TAFA4: variants seen among roughly 807,000 people sequenced by gnomAD.
The protein encoded by TAFA4 is chemokine-like protein TAFA-4.
A neutral mutation model predicts 21.1 loss-of-function variants in TAFA4; 20 were observed. The observed-to-expected ratio is 0.95, with a 90% confidence interval of 0.67 to 1.38. The LOEUF (loss-of-function observed/expected upper bound fraction) is 1.38, where lower values mean the gene tolerates loss of function less well. TAFA4 is among the 40% of genes most tolerant of loss of function. TAFA4 has a pLI of 0.00. For synonymous variants in TAFA4, 71 were observed against 67.4 expected, an observed-to-expected ratio of 1.05 and a Z score of -0.26; for missense variants, 211 against 180.9, an observed-to-expected ratio of 1.17 and a Z score of -0.95.
chr3:68,784,067 G>T (rs954338117), intron 3 of TAFA4, among the ~76,000 whole-genome samples: 3 of 151,966 alleles, frequency 2.0e-5, no homozygotes, highest in Non-Finnish European at 4.4e-5. Context: ...GAATCCAAAG[G>T]GTCACACGTT....
intron 3 of TAFA4, among the ~76,000 whole-genome samples, chr3:68,819,259 G>A (rs1704059057): frequency 7.7e-6 from 1 of 129,724 alleles, no homozygotes. Flanking sequence ...GACAGAGTGA[G>A]ACCCTGTCTT....
At chr3:68,829,542 C>G (rs1704329156) in intron 3 of TAFA4, among the ~76,000 whole-genome samples, 2 of 152,332 alleles carry the variant, frequency 1.3e-5, no homozygotes, top group Non-Finnish European at 2.9e-5. Context: ...ATGAAGCCAA[C>G]TTGATCTGGT....
chr3:68,880,816 A>G lies in TAFA4; in HGVS notation c.44T>C (p.Leu15Pro). 6.2e-7 allele frequency: 1 copy of G among 1,613,690 alleles called. No homozygotes were observed. Among genetic ancestry groups the G allele is most frequent in the Non-Finnish European group, 8.5e-7 (1 of 1,179,938 alleles). The part of the protein sequence containing the change: ...RMRVCAKSVL[L>P]SHWLFLAYVL... ...GTAGGCTAGAAAGAGCCAGTGCGAC[A>G]GCAACACTGACTTAGCACAGACTCT... Residue 15 changes from leucine to proline, a missense_variant, in exon 3 of 6, where the codon CTG becomes CCG. Coordinates refer to ENST00000295569, the MANE Select transcript of TAFA4 (RefSeq NM_182522.5).
At chr3:68,745,544 A>T (rs768827487) in intron 4 of TAFA4, among the ~76,000 whole-genome samples, 2 of 152,182 alleles carry the variant, frequency 1.3e-5, no homozygotes, top group Non-Finnish European at 2.9e-5. Flanking sequence ...AAATAAAAAG[A>T]CAGTGACGCC....
chr3:68,885,668 C>T (rs1232686978), intron 1 of TAFA4, among the ~76,000 whole-genome samples: 1 of 152,198 alleles, frequency 6.6e-6, no homozygotes, highest in Non-Finnish European at 1.5e-5. Context: ...AGAGATAATG[C>T]ATTCCCAAGA....
At chr3:68,789,885 A>G (rs1309865469) in intron 3 of TAFA4, among the ~76,000 whole-genome samples, 2 of 152,242 alleles carry the variant, frequency 1.3e-5, no homozygotes, top group East Asian at 3.8e-4. Context: ...AAATGAGGAT[A>G]TAATTCACTG....
At chr3:68,886,441 C>T (rs754344850) in intron 1 of TAFA4, among the ~76,000 whole-genome samples, 5 of 152,160 alleles carry the variant, frequency 3.3e-5, no homozygotes, top group Admixed American at 6.5e-5. Flanking sequence ...GTCCACCCAA[C>T]GGCATGATGT....
intron 3 of TAFA4, among the ~76,000 whole-genome samples, chr3:68,773,604 T>C (rs1200802942): frequency 2.0e-5 from 3 of 152,276 alleles, no homozygotes; most frequent in African/African-American, 7.2e-5. Context: ...CCTGAAGCTA[T>C]GTAAGGATAT....
At chr3:68,802,213 T>A (rs1384231683) in intron 3 of TAFA4, among the ~76,000 whole-genome samples, 1 of 152,170 alleles carries the variant, frequency 6.6e-6, no homozygotes, top group Non-Finnish European at 1.5e-5. Flanking sequence ...CATCTCTAAT[T>A]GACATTTTAT....
chr3:68,868,467 T>G (rs2089444513), intron 3 of TAFA4, among the ~76,000 whole-genome samples: 1 of 152,032 alleles, frequency 6.6e-6, no homozygotes. Context: ...CATCAGCATA[T>G]GGAACATTCT....
chr3:68,748,773 G>C (rs1344973452), intron 4 of TAFA4, among the ~76,000 whole-genome samples: 1 of 151,024 alleles, frequency 6.6e-6, no homozygotes, highest in Non-Finnish European at 1.5e-5. Flanking sequence ...GATAGAAATT[G>C]GGGCATCAAA....
intron 3 of TAFA4, among the ~76,000 whole-genome samples, chr3:68,805,279 G>T (rs1162207956): frequency 6.6e-6 from 1 of 152,176 alleles, no homozygotes; most frequent in Non-Finnish European, 1.5e-5. Context: ...AGTTAGAATG[G>T]CGATCATTAA....
intron 4 of TAFA4, among the ~76,000 whole-genome samples, chr3:68,752,277 A>C (rs1377387104): frequency 6.6e-6 from 1 of 152,198 alleles, no homozygotes; most frequent in African/African-American, 2.4e-5. Context: ...AGGGGTATCA[A>C]AAGAAATCAA....
At chr3:68,887,593 C>A (rs973571988) in intron 1 of TAFA4, among the ~76,000 whole-genome samples, 3 of 152,154 alleles carry the variant, frequency 2.0e-5, no homozygotes, top group Admixed American at 2.0e-4. Flanking sequence ...GACTATGGCC[C>A]CAAGGCTCAT....
chr3:68,861,206 G>A (rs1342178418), intron 3 of TAFA4, among the ~76,000 whole-genome samples: 2 of 151,616 alleles, frequency 1.3e-5, no homozygotes, highest in African/African-American at 4.8e-5. Flanking sequence ...CAACCTAAGT[G>A]TCCATTGCTA....
At chr3:68,766,055 A>AAGAT (rs1349932018) in intron 3 of TAFA4, among the ~76,000 whole-genome samples, 1 of 152,182 alleles carries the variant, frequency 6.6e-6, no homozygotes, top group African/African-American at 2.4e-5. Flanking sequence ...ATAAACAGAA[A>AAGAT]AGATAGAACT....
chr3:68,838,823 G>A (rs536961564), intron 3 of TAFA4, among the ~76,000 whole-genome samples: 64 of 152,234 alleles, frequency 4.2e-4, no homozygotes, highest in Non-Finnish European at 7.8e-4. Context: ...CCTGCCAGGC[G>A]CAGTGGCTCA....
chr3:68,875,509 T>C (rs1175742636), intron 3 of TAFA4, among the ~76,000 whole-genome samples: 2 of 152,174 alleles, frequency 1.3e-5, no homozygotes, highest in South Asian at 2.1e-4. Flanking sequence ...CATAAAATAG[T>C]GTATGCTATT....
chr3:68,733,194 C>T lies in TAFA4; in HGVS notation c.412-41G>A, dbSNP rs753369130. ...ATAAGGGAACATTCAACACTCTATA[C>T]CCACCGAAATAACCATTCCTGCCCC... On this transcript the variant is annotated intron_variant, in intron 5 of 5. Transcript: ENST00000295569. The T allele has an allele frequency of 5.6e-6, 9 of 1,605,860 alleles. 1 individual carries two copies. The South Asian group carries it at 1.0e-4, about 18-fold the overall frequency.
Sources: allele counts gnomAD v4.1 joint callset (sites outside exome capture counted in the v4.1 genomes callset), GRCh38; gene constraint gnomAD v4.1.1; transcripts MANE v1.5; gene names NCBI Gene and HGNC (gene_info 2026-07-23, HGNC 2026-07-21).